The following TOP3A variants were observed in gnomAD, a reference collection of about 807,000 sequenced individuals.
The protein encoded by TOP3A is DNA topoisomerase 3-alpha.
Under a neutral mutation model 111.3 loss-of-function variants are expected in TOP3A, and 64 were observed. That is an observed-to-expected ratio of 0.57 (90% confidence interval 0.47 to 0.71). The LOEUF (loss-of-function observed/expected upper bound fraction) is 0.71, where lower values mean the gene tolerates loss of function less well. TOP3A is among the 30% of genes least tolerant of loss of function. The pLI, the probability that TOP3A is intolerant of heterozygous loss-of-function variation, is 0.00. For missense variants in TOP3A, 1,104 were observed against 1,285.0 expected, an observed-to-expected ratio of 0.86 and a Z score of 2.15; for synonymous variants, 484 against 485.1, an observed-to-expected ratio of 1.00 and a Z score of 0.03.
intron 9 of TOP3A, among the ~76,000 whole-genome samples, chr17:18,296,202 A>G (rs898734332): frequency 3.9e-5 from 6 of 152,206 alleles, no homozygotes. Context: ...TCTTTTCCCT[A>G]GGTGACAAGC....
intron 13 of TOP3A, among the ~76,000 whole-genome samples, chr17:18,287,263 GT>G (rs1239152320): frequency 6.6e-6 from 1 of 152,176 alleles, no homozygotes; most frequent in Non-Finnish European, 1.5e-5. Context: ...GCTGGGCATG[GT>G]GGCTCAGGCC....
At chr17:18,299,011 C>T (rs1205752791) in intron 9 of TOP3A, among the ~76,000 whole-genome samples, 3 of 151,066 alleles carry the variant, frequency 2.0e-5, no homozygotes, top group Non-Finnish European at 4.4e-5. Flanking sequence ...TGTGACCCTG[C>T]CAAATCCCCC....
Position 18,302,300 on chromosome 17 carries a change from G to A in TOP3A, c.778C>T (p.Gln260Ter). Residue 260 changes from glutamine (Q) to a stop codon, truncating the protein, a stop_gained, in exon 7 of 19, where the codon CAG becomes TAG. Coordinates refer to ENST00000321105, the MANE Select transcript of TOP3A (RefSeq NM_004618.5). LOFTEE classifies it high-confidence loss of function. Reference protein sequence around the residue: ...GFVVERFKAIQAFVPEIFHRI... With the variant: ...GFVVERFKAI ...TGGAAGATTTCTGGTACAAAAGCCT[G>A]AATGGCTTTGAACCGCTCCACCACA... is the stretch of plus-strand genomic sequence containing the variant. 8 of 1,612,198 alleles carry A rather than the reference G, an allele frequency of 5.0e-6. No homozygotes were observed. Among genetic ancestry groups the A allele is most frequent in the Non-Finnish European group, 6.8e-6 (8 of 1,179,786 alleles).
intron 4 of TOP3A, among the ~76,000 whole-genome samples, chr17:18,306,085 T>G (rs1224989146): frequency 6.6e-6 from 1 of 151,942 alleles, no homozygotes; most frequent in Non-Finnish European, 1.5e-5. Context: ...GCCTGTAATC[T>G]CAGCTACTTG....
chr17:18,300,439 C>T (rs1981155921), intron 8 of TOP3A, among the ~76,000 whole-genome samples: 2 of 151,978 alleles, frequency 1.3e-5, no homozygotes, highest in Admixed American at 1.3e-4. Context: ...AAGTTGGAGA[C>T]CTTTAATCTT....
intron 5 of TOP3A, among the ~76,000 whole-genome samples, chr17:18,304,562 A>C (rs1981438159): frequency 6.7e-6 from 1 of 149,384 alleles, no homozygotes; most frequent in Non-Finnish European, 1.5e-5. Flanking sequence ...ATCCACTGCA[A>C]CAATTATTTA....
chr17:18,276,617 C>T (rs1979388255), intron 18 of TOP3A, among the ~76,000 whole-genome samples: 1 of 152,156 alleles, frequency 6.6e-6, no homozygotes, highest in Non-Finnish European at 1.5e-5. Context: ...GGCAGAGAGG[C>T]TAAGTCATTT....
At chr17:18,290,324 C>T (rs1206829526) in intron 13 of TOP3A, among the ~76,000 whole-genome samples, 4 of 152,222 alleles carry the variant, frequency 2.6e-5, no homozygotes, top group African/African-American at 9.7e-5. Flanking sequence ...GTGGACAGCA[C>T]AGTGCATGGT....
chr17:18,313,946 C>A (rs1013043312), intron 1 of TOP3A, among the ~76,000 whole-genome samples: 2 of 152,234 alleles, frequency 1.3e-5, no homozygotes, highest in African/African-American at 2.4e-5. Context: ...CGTGGCACCT[C>A]CTTTATGAAA....
At chr17:18,287,661 T>C (rs1277655979) in intron 13 of TOP3A, among the ~76,000 whole-genome samples, 1 of 151,856 alleles carries the variant, frequency 6.6e-6, no homozygotes, top group East Asian at 1.9e-4. Flanking sequence ...GGCTGTGACC[T>C]AGCCTGGGTG....
intron 9 of TOP3A, among the ~76,000 whole-genome samples, chr17:18,298,766 G>A (rs1303862685): frequency 6.6e-6 from 1 of 152,170 alleles, no homozygotes; most frequent in African/African-American, 2.4e-5. Context: ...CCAACCCTGT[G>A]CTATCTGAAA....
intron 7 of TOP3A, 124 bp from the exon 8 acceptor site, chr17:18,302,109 A>C: frequency 7.3e-7 from 1 of 1,365,798 alleles, no homozygotes; most frequent in Non-Finnish European, 1.0e-6. Context: ...TTTCTGGATA[A>C]CAAAGGGAAC....
At chr17:18,303,762 G>A (rs920017572) in intron 5 of TOP3A, among the ~76,000 whole-genome samples, 11 of 152,158 alleles carry the variant, frequency 7.2e-5, no homozygotes, top group Non-Finnish European at 1.5e-4. Context: ...TAAAGATAGT[G>A]ATTGATAAAT....
rs796856721 is a variant in TOP3A, at chr17:18,272,231, C to T, written c.*2571G>A. On this transcript the variant is annotated 3_prime_UTR_variant, in exon 19 of 19. Transcript: ENST00000321105. Reference sequence around the variant, plus strand: ...ACAATGACACGCCACTTCATACCCACTAGGATGACAAAACACTAGGATGGC... The same window carrying T: ...ACAATGACACGCCACTTCATACCCATTAGGATGACAAAACACTAGGATGGC... Among the ~76,000 whole-genome samples the T allele has an allele frequency of 1.3e-5, 2 of 152,116 alleles. No homozygotes were observed. Among genetic ancestry groups the T allele is most frequent in the Non-Finnish European group, 2.9e-5 (2 of 68,022 alleles).
At chr17:18,301,751 C>A in intron 8 of TOP3A, 134 bp downstream of exon 8, 1 of 668,942 alleles carries the variant, frequency 1.5e-6, no homozygotes, top group Non-Finnish European at 2.6e-6. Flanking sequence ...CTTATTGGTT[C>A]CCAAAAAGTG....
Position 18,302,084 on chromosome 17 carries a change from T to A in TOP3A, c.815-99A>T, listed in dbSNP as rs541977121. ...TATTGTGGTGAAAGTCAAACGAATATCAAATAGGGAGGAGTTTCTGGATAA... is the reference window on the plus strand; with the variant it reads ...TATTGTGGTGAAAGTCAAACGAATAACAAATAGGGAGGAGTTTCTGGATAA... On this transcript the variant is annotated intron_variant, in intron 7 of 18. Coordinates refer to ENST00000321105, the MANE Select transcript of TOP3A (RefSeq NM_004618.5). 119 of 1,391,418 alleles carry A rather than the reference T, an allele frequency of 8.6e-5. No individual in the cohort carries two copies. The African/African-American group carries it at 1.6e-3, about 19-fold the overall frequency. The allele number at this position is 1,391,418 out of a possible 1,614,324, so 86.2% of individuals were successfully genotyped here.
rs182325100 is a variant in TOP3A at position 18,276,128 on chromosome 17, G to T, written c.2828-1148C>A. Among the ~76,000 whole-genome samples, 100 of 152,288 alleles carry T rather than the reference G, an allele frequency of 6.6e-4. 1 individual carries two copies. Among genetic ancestry groups the T allele is most frequent in the African/African-American group, 2.1e-3 (88 of 41,556 alleles). ...TTGTCCCACACTCACTTGGTAAGTGGACTTTCATGCCGGCCCTTTTTACAG... is the reference window on the plus strand; with the variant it reads ...TTGTCCCACACTCACTTGGTAAGTGTACTTTCATGCCGGCCCTTTTTACAG... On this transcript the variant is annotated intron_variant, in intron 18 of 18. Coordinates refer to ENST00000321105, the MANE Select transcript of TOP3A (RefSeq NM_004618.5).
At position 18,308,891 on chromosome 17, in the gene TOP3A, C is replaced by T; in HGVS notation, c.231G>A (p.Leu77=). The change falls in exon 2 of 19, where the codon CTG becomes CTA. Residue 77 remains leucine, a synonymous_variant. Transcript: ENST00000321105. Reference sequence around the variant, plus strand: ...ATATTTTAGCACCTACCTGGCCATACAGATGATAATCAAATTCATAGATCT... The same window carrying T: ...ATATTTTAGCACCTACCTGGCCATATAGATGATAATCAAATTCATAGATCT... ...FNKIYEFDYH[L]YGQNVTMVMT... The T allele has an allele frequency of 1.3e-6, 2 of 1,570,470 alleles. No individual in the cohort carries two copies. Among genetic ancestry groups the T allele is most frequent in the Non-Finnish European group, 1.7e-6 (2 of 1,154,236 alleles).
intron 18 of TOP3A, among the ~76,000 whole-genome samples, chr17:18,277,151 T>A (rs916033501): frequency 2.3e-5 from 3 of 129,148 alleles, no homozygotes; most frequent in Non-Finnish European, 4.6e-5. Context: ...ACCATTGCAC[T>A]CCAGTCTGGG....
Sources: allele counts gnomAD v4.1 joint callset (sites outside exome capture counted in the v4.1 genomes callset), GRCh38; gene constraint gnomAD v4.1.1; transcripts MANE v1.5; gene names NCBI Gene and HGNC (gene_info 2026-07-23, HGNC 2026-07-21).